The following SLC25A21 variants were observed in gnomAD, a reference collection of about 807,000 sequenced individuals.
The protein encoded by SLC25A21 is solute carrier family 25 member 21, also known as mitochondrial 2-oxodicarboxylate carrier.
In SLC25A21, 47 loss-of-function variants were observed where a neutral mutation model predicts 43.8. The observed-to-expected ratio is 1.07, with a 90% confidence interval of 0.85 to 1.37. The LOEUF (loss-of-function observed/expected upper bound fraction) is 1.37, where lower values mean the gene tolerates loss of function less well. Among genes scored for constraint, SLC25A21 ranks in the 40% most tolerant of loss-of-function variants. The pLI, the probability that SLC25A21 is intolerant of heterozygous loss-of-function variation, is 0.00. For missense variants in SLC25A21, 352 were observed against 350.2 expected (o/e 1.00, Z -0.04); for synonymous variants, 131 against 121.3 (o/e 1.08, Z -0.52).
chr14:36,879,054 G>A (rs1430701836), intron 1 of SLC25A21, among the ~76,000 whole-genome samples: 10 of 152,102 alleles, frequency 6.6e-5, no homozygotes, highest in Admixed American at 1.3e-4. Context: ...CTCTCTAGCT[G>A]ATTTTACATT....
intron 1 of SLC25A21, among the ~76,000 whole-genome samples, chr14:36,886,190 T>C (rs1890907145): frequency 1.3e-5 from 2 of 152,160 alleles, no homozygotes; most frequent in Non-Finnish European, 2.9e-5. Flanking sequence ...GTAGCCCTAC[T>C]CAATTATAAG....
intron 1 of SLC25A21, among the ~76,000 whole-genome samples, chr14:37,017,933 C>T (rs192299246): frequency 2.6e-4 from 39 of 152,014 alleles, no homozygotes; most frequent in Admixed American, 2.4e-3. Flanking sequence ...GGTGCAATCC[C>T]TTTCATGTAC....
At chr14:36,707,995 C>T (rs1883653008) in intron 7 of SLC25A21, among the ~76,000 whole-genome samples, 1 of 152,056 alleles carries the variant, frequency 6.6e-6, no homozygotes, top group Non-Finnish European at 1.5e-5. Flanking sequence ...AGTGTGGTGG[C>T]GCATGTCTGT....
chr14:36,693,015 T>A (rs1234629999), intron 7 of SLC25A21, among the ~76,000 whole-genome samples: 1 of 152,218 alleles, frequency 6.6e-6, no homozygotes, highest in African/African-American at 2.4e-5. Context: ...CTGTAGCACA[T>A]CACTATCACA....
Position 36,885,965 on chromosome 14 carries a change from T to G in SLC25A21, c.71-10961A>C, listed in dbSNP as rs553146831. On this transcript the variant is annotated intron_variant, in intron 1 of 9. Transcript: ENST00000331299. ...AGTTCACACTGTTTTAACCATTTAC[T>G]TAACTGATTTTGTGTAATATTCTTA... Among the ~76,000 whole-genome samples, 14 of 152,338 alleles carry G rather than the reference T, an allele frequency of 9.2e-5. No homozygotes were observed. The East Asian group carries it at 2.5e-3, about 27-fold the overall frequency.
chr14:36,943,849 T>C (rs2138652913), intron 1 of SLC25A21, among the ~76,000 whole-genome samples: 1 of 152,300 alleles, frequency 6.6e-6, no homozygotes, highest in Non-Finnish European at 1.5e-5. Flanking sequence ...AAGAAGCCTT[T>C]GTTTAAAAAG....
At chr14:37,093,623 T>C (rs1962629555) in intron 1 of SLC25A21, among the ~76,000 whole-genome samples, 1 of 152,184 alleles carries the variant, frequency 6.6e-6, no homozygotes, top group Non-Finnish European at 1.5e-5. Flanking sequence ...GCAAAATTCA[T>C]TGCGTGTAAG....
chr14:37,057,384 T>G (rs1198371330), intron 1 of SLC25A21, among the ~76,000 whole-genome samples: 1 of 152,214 alleles, frequency 6.6e-6, no homozygotes, highest in African/African-American at 2.4e-5. Flanking sequence ...GAATTTAAAT[T>G]GGAAAATTTT....
chr14:36,728,759 C>T (rs561738139), intron 5 of SLC25A21, among the ~76,000 whole-genome samples: 1 of 152,290 alleles, frequency 6.6e-6, no homozygotes, highest in South Asian at 2.1e-4. Context: ...TTCCTAGAGG[C>T]TGGAGTACAT....
chr14:36,918,252 G>A (rs1891885537), intron 1 of SLC25A21, among the ~76,000 whole-genome samples: 1 of 152,134 alleles, frequency 6.6e-6, no homozygotes, highest in Admixed American at 6.6e-5. Flanking sequence ...CATACTTTGA[G>A]TTCCAGATGT....
chr14:36,721,007 T>A (rs1372576436), intron 6 of SLC25A21, among the ~76,000 whole-genome samples: 1 of 152,180 alleles, frequency 6.6e-6, no homozygotes, highest in Admixed American at 6.5e-5. Context: ...TGCCCACAAC[T>A]GGAGTCAGCT....
At chr14:36,958,963 G>A (rs551549263) in intron 1 of SLC25A21, among the ~76,000 whole-genome samples, 2 of 152,226 alleles carry the variant, frequency 1.3e-5, no homozygotes, top group South Asian at 2.1e-4. Context: ...TTGATCTCAC[G>A]AGCTCCTAGC....
chr14:36,714,809 T>C (rs1051288253), intron 6 of SLC25A21, among the ~76,000 whole-genome samples: 4 of 152,192 alleles, frequency 2.6e-5, no homozygotes, highest in Admixed American at 2.6e-4. Flanking sequence ...AGAAGTTAAG[T>C]TACTCACCCA....
At chr14:37,131,913 A>G (rs1963398063) in intron 1 of SLC25A21, among the ~76,000 whole-genome samples, 1 of 152,136 alleles carries the variant, frequency 6.6e-6, no homozygotes, top group Non-Finnish European at 1.5e-5. Context: ...TGCTTGGGTG[A>G]TCCTCCCACC....
At chr14:36,764,736 A>C (rs908609865) in intron 3 of SLC25A21, among the ~76,000 whole-genome samples, 8 of 152,108 alleles carry the variant, frequency 5.3e-5, no homozygotes, top group African/African-American at 1.9e-4. Context: ...GCCCAATGTC[A>C]AGTACTCCAT....
chr14:36,825,818 T>C (rs1256228267), intron 2 of SLC25A21, among the ~76,000 whole-genome samples: 1 of 152,160 alleles, frequency 6.6e-6, no homozygotes, highest in Non-Finnish European at 1.5e-5. Context: ...CTACAGTGAA[T>C]ACATAAGAGT....
chr14:37,086,160 GT>G (rs754163767), intron 1 of SLC25A21, among the ~76,000 whole-genome samples: 9 of 151,714 alleles, frequency 5.9e-5, no homozygotes, highest in Admixed American at 2.6e-4. Context: ...GGGGCCTGGG[GT>G]TTTTTTTATT....
rs762859172 is a variant in SLC25A21 at position 37,088,870 on chromosome 14, ACT to A, written c.70+83409_70+83410del. Among the ~76,000 whole-genome samples the A allele has an allele frequency of 5.3e-5, 8 of 150,908 alleles. No individual in the cohort carries two copies. In the East Asian group the frequency reaches 7.8e-4, roughly 15 times the overall value. On this transcript the variant is annotated intron_variant, in intron 1 of 9. Coordinates refer to ENST00000331299, the MANE Select transcript of SLC25A21 (RefSeq NM_030631.4). ...TACTAACCAGCATTATTTCTTTCTT[ACT>A]CTCTCTCTCTCTCTTTTCAACTTAG...
At chr14:37,082,769 T>C (rs1410464353) in intron 1 of SLC25A21, among the ~76,000 whole-genome samples, 1 of 152,210 alleles carries the variant, frequency 6.6e-6, no homozygotes, top group African/African-American at 2.4e-5. Flanking sequence ...TCCCTTTCTG[T>C]AGGCTCCTCT....
Sources: gnomAD v4.1 joint callset for allele counts (sites outside exome capture counted in the v4.1 genomes callset) on GRCh38, gnomAD v4.1.1 for gene constraint, MANE v1.5 for transcripts, NCBI Gene and HGNC (gene_info 2026-07-23, HGNC 2026-07-21) for gene names.